AUTS2: variants seen among roughly 807,000 people sequenced by gnomAD.
The protein encoded by AUTS2 is activator of transcription and developmental regulator AUTS2, also known as autism susceptibility gene 2 protein.
AUTS2 carries 17 observed loss-of-function variants against 112.4 expected under a neutral mutation model. The ratio of observed to expected loss-of-function variants is 0.15; its 90% CI spans 0.10 to 0.23. The LOEUF is 0.23. Among genes scored for constraint, AUTS2 ranks in the 10% least tolerant of loss-of-function variants. The pLI, the probability that AUTS2 is intolerant of heterozygous loss-of-function variation, is 1.00. For synonymous variants in AUTS2, 751 were observed against 702.7 expected (o/e 1.07, Z -1.09); for missense variants, 1,510 against 1,701.6 (o/e 0.89, Z 1.98).
intron 4 of AUTS2, among the ~76,000 whole-genome samples, chr7:70,208,913 G>A (rs1717936636): frequency 6.6e-6 from 1 of 152,052 alleles, no homozygotes; most frequent in Admixed American, 6.6e-5. Context: ...AGGAAGATGA[G>A]TCATGCAGAG....
At position 70,757,448 on chromosome 7, in the gene AUTS2, G is replaced by C. The variant is rs537001675; in HGVS notation, c.743-5422G>C. ...TTTCTTTTGTTGTATAATATTTGCT[G>C]TTGGTTTTCAATTTAGTTGACAGGA... On this transcript the variant is annotated intron_variant, in intron 6 of 18. Coordinates refer to ENST00000342771, the MANE Select transcript of AUTS2 (RefSeq NM_015570.4). 4.6e-5 allele frequency among the ~76,000 whole-genome samples: 7 copies of C among 152,116 alleles called. No individual in the cohort carries two copies. In the South Asian group the frequency reaches 1.5e-3, roughly 32 times the overall value.
intron 5 of AUTS2, among the ~76,000 whole-genome samples, chr7:70,662,160 G>A (rs1807110884): frequency 6.6e-6 from 1 of 152,380 alleles, no homozygotes; most frequent in Non-Finnish European, 1.5e-5. Context: ...CCCCGAGTGG[G>A]AAGCTCTGCA....
intron 1 of AUTS2, among the ~76,000 whole-genome samples, chr7:69,758,287 G>T (rs999444954): frequency 6.6e-6 from 1 of 152,142 alleles, no homozygotes; most frequent in Non-Finnish European, 1.5e-5. Context: ...TCTTTAGTTG[G>T]TTGCTGCTGC....
chr7:70,698,348 A>G (rs1435007007), intron 5 of AUTS2, among the ~76,000 whole-genome samples: 2 of 151,610 alleles, frequency 1.3e-5, no homozygotes, highest in Admixed American at 6.5e-5. Context: ...ATAAGGACAC[A>G]TTTTTAAAAT....
intron 5 of AUTS2, among the ~76,000 whole-genome samples, chr7:70,599,825 G>A (rs912630904): frequency 3.3e-5 from 5 of 152,176 alleles, no homozygotes; most frequent in Non-Finnish European, 5.9e-5. Flanking sequence ...GGATGGCCAG[G>A]CCTTTCAACT....
intron 5 of AUTS2, among the ~76,000 whole-genome samples, chr7:70,529,812 AG>A (rs1294683847): frequency 6.6e-6 from 1 of 152,238 alleles, no homozygotes; most frequent in Non-Finnish European, 1.5e-5. Context: ...GTGATGAAAC[AG>A]GGCTTTGTGT....
chr7:70,669,119 T>G (rs968215739), intron 5 of AUTS2, among the ~76,000 whole-genome samples: 1 of 152,236 alleles, frequency 6.6e-6, no homozygotes, highest in Admixed American at 6.5e-5. Flanking sequence ...GCTGTCTCAC[T>G]AAGAGCCATG....
chr7:69,733,286 G>C (rs536882062), intron 1 of AUTS2, among the ~76,000 whole-genome samples: 1 of 152,242 alleles, frequency 6.6e-6, no homozygotes, highest in East Asian at 1.9e-4. Context: ...AGCAGAGAGG[G>C]AACTGTTTTT....
chr7:69,966,179 A>G (rs1338899111), intron 2 of AUTS2, among the ~76,000 whole-genome samples: 1 of 152,224 alleles, frequency 6.6e-6, no homozygotes, highest in Non-Finnish European at 1.5e-5. Context: ...ACCTTGGCTC[A>G]GGAAAGCCTG....
At chr7:69,730,709 T>A (rs1315772746) in intron 1 of AUTS2, among the ~76,000 whole-genome samples, 8 of 152,236 alleles carry the variant, frequency 5.3e-5, no homozygotes, top group Non-Finnish European at 1.2e-4. Context: ...GTGTTTAAAA[T>A]ACCAAATAGC....
intron 4 of AUTS2, among the ~76,000 whole-genome samples, chr7:70,175,708 C>T (rs1466570635): frequency 1.3e-5 from 2 of 152,194 alleles, no homozygotes; most frequent in Non-Finnish European, 2.9e-5. Context: ...TGCAAAAATC[C>T]ATCCACCAGA....
chr7:69,777,841 C>T (rs1433168220), intron 1 of AUTS2, among the ~76,000 whole-genome samples: 2 of 152,026 alleles, frequency 1.3e-5, no homozygotes, highest in African/African-American at 2.4e-5. Context: ...GGTGGGAGGG[C>T]GTTGGCCTTT....
chr7:69,681,374 C>G (rs1796788184), intron 1 of AUTS2, among the ~76,000 whole-genome samples: 1 of 152,218 alleles, frequency 6.6e-6, no homozygotes, highest in African/African-American at 2.4e-5. Flanking sequence ...GTGTCACCAA[C>G]AGTGCACATG....
chr7:70,771,315 C>T, intron 10 of AUTS2: 1 of 349,790 alleles, frequency 2.9e-6, no homozygotes, highest in Non-Finnish European at 5.2e-6. Flanking sequence ...TCTAATGATG[C>T]CCTCACCCGG....
intron 4 of AUTS2, among the ~76,000 whole-genome samples, chr7:70,314,989 C>G (rs1789929681): frequency 6.6e-6 from 1 of 152,178 alleles, no homozygotes; most frequent in South Asian, 2.1e-4. Context: ...TGTCTCCATC[C>G]CTCAAGGTCA....
At chr7:70,084,356 A>C (rs1452668318) in intron 2 of AUTS2, among the ~76,000 whole-genome samples, 1 of 152,240 alleles carries the variant, frequency 6.6e-6, no homozygotes, top group African/African-American at 2.4e-5. Context: ...TGCAGCTATG[A>C]ACATTTATGT....
chr7:70,620,322 G>A (rs1804604535), intron 5 of AUTS2, among the ~76,000 whole-genome samples: 1 of 152,192 alleles, frequency 6.6e-6, no homozygotes, highest in South Asian at 2.1e-4. Flanking sequence ...TACTGGTGTA[G>A]GAACCTGAGC....
chr7:70,380,300 G>T (rs1169015631), intron 4 of AUTS2, among the ~76,000 whole-genome samples: 1 of 151,562 alleles, frequency 6.6e-6, no homozygotes, highest in East Asian at 1.9e-4. Context: ...AGACCAAAAG[G>T]GCTTAAAATT....
In AUTS2 at chr7:69,742,407, G is replaced by A. The variant is rs566666964; in HGVS notation, c.309+142445G>A. ...TAGGTTTGTTGTGAAGATTACCTGG[G>A]TTCATATCTAAAGCCCTTAGCACTA... On this transcript the variant is annotated intron_variant, in intron 1 of 18. Coordinates refer to ENST00000342771, the MANE Select transcript of AUTS2 (RefSeq NM_015570.4). Among the ~76,000 whole-genome samples the A allele has an allele frequency of 1.1e-4, 16 of 152,120 alleles. No individual in the cohort carries two copies. In the South Asian group the frequency reaches 3.1e-3, roughly 30 times the overall value.
Sources: allele counts gnomAD v4.1 joint callset (sites outside exome capture counted in the v4.1 genomes callset), GRCh38; gene constraint gnomAD v4.1.1; transcripts MANE v1.5; gene names NCBI Gene and HGNC (gene_info 2026-07-23, HGNC 2026-07-21).